The following NAV2 variants were observed in gnomAD, a reference collection of about 807,000 sequenced individuals.
The protein encoded by NAV2 is neuron navigator 2.
A neutral mutation model predicts 223.2 loss-of-function variants in NAV2; 54 were observed. The ratio of observed to expected loss-of-function variants is 0.24; its 90% confidence interval spans 0.19 to 0.30. The LOEUF (loss-of-function observed/expected upper bound fraction) is 0.30. Among genes scored for constraint, NAV2 ranks in the 10% least tolerant of loss-of-function variants. NAV2 has a pLI of 1.00. For missense variants in NAV2, 2,806 were observed against 3,147.5 expected (o/e 0.89, Z 2.60); for synonymous variants, 1,279 against 1,239.3 (o/e 1.03, Z -0.67).
At chr11:19,748,575 T>C (rs1368621071) in intron 1 of NAV2, among the ~76,000 whole-genome samples, 1 of 152,206 alleles carries the variant, frequency 6.6e-6, no homozygotes, top group Non-Finnish European at 1.5e-5. Context: ...CTCCACCTAA[T>C]CCCTGGCGCC....
rs2058926441 is a variant in NAV2, at chr11:20,064,669, C to T, written c.4884+2310C>T. Among the ~76,000 whole-genome samples the T allele has an allele frequency of 2.6e-5, 4 of 152,256 alleles. No homozygotes were observed. The South Asian group carries it at 8.3e-4, about 32-fold the overall frequency. ...ACAGTAAAAGACTCTCCTTCAGTAGCTGTTGTTCTGGGTATGGGGACGTGA... is the reference window on the plus strand; with the variant it reads ...ACAGTAAAAGACTCTCCTTCAGTAGTTGTTGTTCTGGGTATGGGGACGTGA... On this transcript the variant is annotated intron_variant, in intron 20 of 37. Coordinates refer to ENST00000349880, the MANE Select transcript of NAV2 (RefSeq NM_145117.5).
intron 1 of NAV2, among the ~76,000 whole-genome samples, chr11:19,424,028 G>A (rs1369706889): frequency 6.6e-6 from 1 of 152,218 alleles, no homozygotes; most frequent in African/African-American, 2.4e-5. Context: ...TTGAAAGGGA[G>A]TGAACTGAAA....
intron 1 of NAV2, among the ~76,000 whole-genome samples, chr11:19,614,207 A>C (rs1312960970): frequency 6.6e-6 from 1 of 152,054 alleles, no homozygotes; most frequent in African/African-American, 2.4e-5. Context: ...AAAGCAAATA[A>C]AATCTGGTGG....
chr11:19,628,702 C>T (rs561671476), intron 1 of NAV2, among the ~76,000 whole-genome samples: 1 of 152,296 alleles, frequency 6.6e-6, no homozygotes, highest in South Asian at 2.1e-4. Context: ...GTTGCCAACA[C>T]AATCACACAG....
At chr11:19,390,129 G>C (rs1018714080) in intron 1 of NAV2, among the ~76,000 whole-genome samples, 7 of 152,206 alleles carry the variant, frequency 4.6e-5, no homozygotes, top group African/African-American at 1.7e-4. Context: ...CTGGGGCGCA[G>C]TGTCCATTCC....
At chr11:19,830,624 G>T (rs1386114100) in intron 1 of NAV2, among the ~76,000 whole-genome samples, 3 of 152,134 alleles carry the variant, frequency 2.0e-5, no homozygotes, top group Non-Finnish European at 2.9e-5. Context: ...TCTGCATAAG[G>T]CACTCTTTCA....
In NAV2 at chr11:19,741,761, ACAT is replaced by A. The variant is rs1445538315; in HGVS notation, c.267+27800_267+27802del. ...TATTTATCCATTTATCCGTTGATAG[ACAT>A]TTATGTTGTTTCCATATCTTAGCAA... On this transcript the variant is annotated intron_variant, in intron 1 of 37. Coordinates refer to ENST00000349880, the MANE Select transcript of NAV2 (RefSeq NM_145117.5). 2.7e-5 allele frequency among the ~76,000 whole-genome samples: 4 copies of A among 147,636 alleles called. No individual in the cohort carries two copies. In the Admixed American group the frequency reaches 2.7e-4, roughly 10 times the overall value.
At chr11:19,633,660 G>T (rs2135510194) in intron 1 of NAV2, among the ~76,000 whole-genome samples, 1 of 152,362 alleles carries the variant, frequency 6.6e-6, no homozygotes, top group Non-Finnish European at 1.5e-5. Flanking sequence ...ACGGACTGCT[G>T]CCAGGGGAAG....
At chr11:19,350,068 T>C (rs2133691768), upstream of NAV2, among the ~76,000 whole-genome samples, 1 of 144,712 alleles carries the variant, frequency 6.9e-6, no homozygotes, top group East Asian at 2.1e-4. Flanking sequence ...CTCTTCATAC[T>C]ATCGTGCCTT....
intron 1 of NAV2, among the ~76,000 whole-genome samples, chr11:19,441,377 C>A (rs1851394629): frequency 6.6e-6 from 1 of 152,042 alleles, no homozygotes; most frequent in Non-Finnish European, 1.5e-5. Flanking sequence ...GATCAAATCA[C>A]ATTGGCTGCT....
intron 1 of NAV2, among the ~76,000 whole-genome samples, chr11:19,772,371 C>T (rs1186175896): frequency 6.6e-6 from 1 of 152,194 alleles, no homozygotes; most frequent in Non-Finnish European, 1.5e-5. Flanking sequence ...GCTTTCAAGT[C>T]AGATGAAGAG....
intron 1 of NAV2, among the ~76,000 whole-genome samples, chr11:19,493,737 A>T (rs1455648801): frequency 6.6e-6 from 1 of 152,184 alleles, no homozygotes; most frequent in African/African-American, 2.4e-5. Context: ...CAGTTGCTGC[A>T]TTCTCTGCCA....
intron 10 of NAV2, among the ~76,000 whole-genome samples, chr11:19,959,203 A>G (rs779666575): frequency 5.3e-5 from 8 of 152,164 alleles, no homozygotes; most frequent in Admixed American, 1.3e-4. Context: ...CCCCAGACCA[A>G]GGTGGGTTGA....
At chr11:19,579,429 C>T (rs59512353) in intron 1 of NAV2, among the ~76,000 whole-genome samples, 1,974 of 152,260 alleles carry the variant, frequency 0.013, 27 homozygotes, top group South Asian at 0.039. Context: ...ACAGCTCAAG[C>T]AGCTGGACAG....
At chr11:19,442,011 C>T (rs985552762) in intron 1 of NAV2, among the ~76,000 whole-genome samples, 2 of 152,274 alleles carry the variant, frequency 1.3e-5, no homozygotes, top group African/African-American at 2.4e-5. Context: ...GTTCCCCCAT[C>T]ATCTCAATCC....
Position 19,734,131 on chromosome 11 carries a change from C to T in NAV2, c.267+20169C>T, listed in dbSNP as rs1402096130. Among the ~76,000 whole-genome samples the T allele has an allele frequency of 4.6e-5, 7 of 152,040 alleles. 1 individual carries two copies. Among genetic ancestry groups the T allele is most frequent in the East Asian group, 3.9e-4 (2 of 5,166 alleles). Reference sequence around the variant, plus strand: ...CTAGGGCAGAATCTGGTGACCATGTCGAGAAAGGGATAAAGGAATAGGAGA... The same window carrying T: ...CTAGGGCAGAATCTGGTGACCATGTTGAGAAAGGGATAAAGGAATAGGAGA... On this transcript the variant is annotated intron_variant, in intron 1 of 37. Coordinates refer to ENST00000349880, the MANE Select transcript of NAV2 (RefSeq NM_145117.5).
intron 1 of NAV2, among the ~76,000 whole-genome samples, chr11:19,616,901 T>C (rs1016578932): frequency 2.0e-5 from 3 of 152,066 alleles, no homozygotes; most frequent in Admixed American, 2.0e-4. Flanking sequence ...AAGATAGAAT[T>C]CTGCCTTTGC....
At chr11:19,708,528 G>T (rs1033684385), upstream of NAV2, among the ~76,000 whole-genome samples, 2 of 152,206 alleles carry the variant, frequency 1.3e-5, no homozygotes, top group Admixed American at 1.3e-4. Context: ...CTGTCTTCTT[G>T]GGAGGTCAGG....
chr11:19,766,079 G>A (rs2152562327), intron 1 of NAV2, among the ~76,000 whole-genome samples: 1 of 151,830 alleles, frequency 6.6e-6, no homozygotes, highest in South Asian at 2.1e-4. Context: ...ATATTTGCTG[G>A]ATACATTAAT....
Sources: allele counts gnomAD v4.1 joint callset (sites outside exome capture counted in the v4.1 genomes callset), GRCh38; gene constraint gnomAD v4.1.1; transcripts MANE v1.5; gene names NCBI Gene and HGNC (gene_info 2026-07-23, HGNC 2026-07-21).